The following CAMSAP1 variants were observed in gnomAD, a reference collection of about 807,000 sequenced individuals.
The protein encoded by CAMSAP1 is calmodulin regulated spectrin associated protein 1, also known as calmodulin-regulated spectrin-associated protein 1.
A neutral mutation model predicts 143.5 loss-of-function variants in CAMSAP1; 58 were observed. The observed-to-expected ratio is 0.40, with a 90% CI of 0.33 to 0.50. The LOEUF (loss-of-function observed/expected upper bound fraction) is 0.50. CAMSAP1 is among the 20% of genes least tolerant of loss of function. CAMSAP1 has a pLI of 0.45. For synonymous variants in CAMSAP1, 945 were observed against 859.3 expected, an observed-to-expected ratio of 1.10 and a Z score of -1.74; for missense variants, 1,969 against 2,115.7, an observed-to-expected ratio of 0.93 and a Z score of 1.36.
chr9:135,846,648 T>C (rs1374652771), intron 7 of CAMSAP1, among the ~76,000 whole-genome samples: 2 of 111,410 alleles, frequency 1.8e-5, no homozygotes, highest in Non-Finnish European at 3.5e-5. Flanking sequence ...AGGGCTAATA[T>C]CCAGAATCTA....
intron 1 of CAMSAP1, 137 bp downstream of exon 1, chr9:135,906,863 G>A (rs1224947851): frequency 2.5e-5 from 11 of 439,498 alleles, no homozygotes; most frequent in Non-Finnish European, 3.3e-5. Flanking sequence ...CTCGGAGGCG[G>A]CCGGCCCAGC....
intron 1 of CAMSAP1, among the ~76,000 whole-genome samples, chr9:135,892,240 G>T (rs1334295794): frequency 2.0e-5 from 3 of 152,090 alleles, no homozygotes; most frequent in Non-Finnish European, 2.9e-5. Flanking sequence ...AAGACCAAAG[G>T]TGACGAAACA....
intron 3 of CAMSAP1, among the ~76,000 whole-genome samples, chr9:135,880,717 T>C (rs1197747429): frequency 3.3e-5 from 5 of 152,198 alleles, no homozygotes; most frequent in African/African-American, 9.7e-5. Context: ...GAGCCTCTTA[T>C]TCAGGCGCGC....
intron 1 of CAMSAP1, among the ~76,000 whole-genome samples, chr9:135,884,737 C>T (rs1274928865): frequency 2.6e-5 from 4 of 152,164 alleles, no homozygotes; most frequent in South Asian, 2.1e-4. Context: ...CCAAGCACAA[C>T]GGGAAGACTT....
intron 7 of CAMSAP1, chr9:135,836,491 G>T: frequency 1.0e-6 from 1 of 979,160 alleles, no homozygotes; most frequent in Non-Finnish European, 1.2e-6. Flanking sequence ...CTGTTCTACA[G>T]ACACACATCA....
In CAMSAP1 at chr9:135,809,430, A is replaced by G. The variant is rs1410880760; in HGVS notation, c.*1879T>C. The G allele has an allele frequency of 1.3e-5, 2 of 152,226 alleles. No homozygotes were observed. The highest frequency in any genetic ancestry group is 6.5e-5 in the Admixed American group (1 of 15,280). The allele number at this position is 152,226 out of a possible 1,614,324, so 9.4% of individuals were successfully genotyped here. On this transcript the variant is annotated 3_prime_UTR_variant, in exon 17 of 17. Coordinates refer to ENST00000389532, the MANE Select transcript of CAMSAP1 (RefSeq NM_015447.4). The stretch of plus-strand genomic sequence containing the variant: ...ATGCAATTTTCCAGCTCTATGCCAG[A>G]TATTTTCTAGCTCTTCATTAAAAAG...
intron 3 of CAMSAP1, among the ~76,000 whole-genome samples, chr9:135,872,165 T>A (rs1247490558): frequency 2.0e-5 from 3 of 151,880 alleles, no homozygotes; most frequent in Non-Finnish European, 2.9e-5. Flanking sequence ...TGCAAAGGAA[T>A]TAAGAACAAC....
intron 3 of CAMSAP1, among the ~76,000 whole-genome samples, chr9:135,868,095 T>G (rs542065906): frequency 2.1e-3 from 323 of 152,180 alleles, no homozygotes; most frequent in Non-Finnish European, 3.4e-3. Flanking sequence ...AGCCGTATAT[T>G]TGGAAAATGA....
chr9:135,850,511 G>C (rs766912999), intron 5 of CAMSAP1, 50 bp from the exon 6 acceptor site: 20 of 1,330,660 alleles, frequency 1.5e-5, no homozygotes, highest in Non-Finnish European at 2.0e-5. Context: ...ATTCTGCTTC[G>C]AGAGAGAGAG....
intron 1 of CAMSAP1, among the ~76,000 whole-genome samples, chr9:135,884,208 AC>A (rs1308623190): frequency 1.1e-4 from 17 of 152,026 alleles, no homozygotes; most frequent in African/African-American, 4.1e-4. Flanking sequence ...TCATGAAGAA[AC>A]CCCACTGACT....
At chr9:135,897,223 C>T (rs1438025704) in intron 1 of CAMSAP1, among the ~76,000 whole-genome samples, 2 of 151,978 alleles carry the variant, frequency 1.3e-5, no homozygotes, top group East Asian at 1.9e-4. Context: ...GGTACAATTA[C>T]AGCTCATTGT....
intron 7 of CAMSAP1, among the ~76,000 whole-genome samples, chr9:135,840,684 G>C (rs1836309789): frequency 6.6e-6 from 1 of 152,198 alleles, no homozygotes. Context: ...CATTTCATTG[G>C]GGCTGATTAG....
Position 135,811,380 on chromosome 9 carries a change from G to A in CAMSAP1, c.4738C>T (p.Leu1580Phe). The A allele has an allele frequency of 6.2e-7, 1 of 1,613,004 alleles. No individual in the cohort carries two copies. ...TGCCACAGGTGGTTGTGGATTGTGA[G>A]TGCGTCCACACTGACAGACATGGTT... ...AKTMSVSVDA[L>F]TIHNHLWQPK... The change falls in exon 17 of 17, where the codon CTC (leucine) becomes TTC (phenylalanine). Residue 1580 changes from leucine to phenylalanine, a missense_variant. Transcript: ENST00000389532. The surrounding 1 kb of genome is among the most constrained non-coding windows in gnomAD (Gnocchi z 4.9).
chr9:135,881,944 C>T, intron 2 of CAMSAP1, 150 bp from the exon 3 acceptor site: 1 of 939,036 alleles, frequency 1.1e-6, no homozygotes, highest in East Asian at 2.7e-5. Flanking sequence ...TGAGACCTGC[C>T]TCCCCCGCAC....
Position 135,822,417 on chromosome 9 carries a change from G to T in CAMSAP1, c.2244C>A (p.Ala748=), listed in dbSNP as rs368733874. The T allele has an allele frequency of 1.2e-6, 2 of 1,613,982 alleles. No individual in the cohort carries two copies. The highest frequency in any genetic ancestry group is 1.7e-6 in the Non-Finnish European group (2 of 1,179,894). ...SDSDVVDIEE[A]EHDFMGEAHP... is the part of the protein sequence containing the mutation. ...GGGCCTCACCCATGAAATCGTGCTCGGCTTCCTCTATGTCCACCACATCCG... is the reference window on the plus strand; with the variant it reads ...GGGCCTCACCCATGAAATCGTGCTCTGCTTCCTCTATGTCCACCACATCCG... The change falls in exon 11 of 17, where the codon GCC becomes GCA. Residue 748 remains alanine, a synonymous_variant. Coordinates refer to ENST00000389532, the MANE Select transcript of CAMSAP1 (RefSeq NM_015447.4). This position sits in a 1 kb window ranked among gnomAD's most constrained non-coding sequence, Gnocchi z 6.1.
Position 135,824,958 on chromosome 9 carries a change from GGA to G in CAMSAP1, c.1224-80_1224-79del. 9.0e-7 allele frequency: 1 copy of G among 1,110,976 alleles called. No homozygotes were observed. The highest frequency in any genetic ancestry group is 1.3e-6 in the Non-Finnish European group (1 of 779,432). 68.8% of individuals were successfully genotyped at this position (1,110,976 alleles called of 1,614,324 possible). A position where few individuals can be genotyped will look rare whatever the true frequency, so the allele number is the denominator to read the frequency against. On this transcript the variant is annotated intron_variant, in intron 8 of 16. Transcript: ENST00000389532. The surrounding 1 kb of genome is among the most constrained non-coding windows in gnomAD (Gnocchi z 4.1). The stretch of plus-strand genomic sequence containing the variant: ...TCAACAGCAAATGCACAAGTGTACA[GGA>G]CCATCCTGAATTCACACCAAGTTTT...
intron 5 of CAMSAP1, among the ~76,000 whole-genome samples, chr9:135,856,607 C>A (rs1346243289): frequency 6.6e-6 from 1 of 152,212 alleles, no homozygotes; most frequent in Non-Finnish European, 1.5e-5. Context: ...AAGCACAGTG[C>A]AGGTGGTCCT....
chr9:135,859,073 A>T (rs1837080407), intron 5 of CAMSAP1, among the ~76,000 whole-genome samples: 1 of 152,250 alleles, frequency 6.6e-6, no homozygotes, highest in South Asian at 2.1e-4. Flanking sequence ...CACACCTGAA[A>T]TGAACCATCA....
chr9:135,830,434 G>T (rs963093), intron 7 of CAMSAP1, among the ~76,000 whole-genome samples: 1 of 152,080 alleles, frequency 6.6e-6, no homozygotes, highest in South Asian at 2.1e-4. Context: ...TCAGACAAAA[G>T]AGACTTTACA....
Sources: allele counts gnomAD v4.1 joint callset (sites outside exome capture counted in the v4.1 genomes callset), GRCh38; gene constraint gnomAD v4.1.1; non-coding constraint Gnocchi (gnomAD v3.1); transcripts MANE v1.5; gene names NCBI Gene and HGNC (gene_info 2026-07-23, HGNC 2026-07-21).